The following CD8B variants were observed in gnomAD, a reference collection of about 807,000 sequenced individuals.
CD8B encodes CD8 subunit beta, also known as T-cell surface glycoprotein CD8 beta chain.
In CD8B, 6 loss-of-function variants were observed where a neutral mutation model predicts 24.2. That is an observed-to-expected ratio of 0.25 (90% CI 0.14 to 0.49). The LOEUF is 0.49. Ranked by LOEUF, CD8B falls within the 20% of genes least tolerant of loss-of-function variation. The probability of loss-of-function intolerance (pLI) is 0.98; values close to 1 mark genes in which losing one functional copy is unlikely to be tolerated. For synonymous variants in CD8B, 84 were observed against 108.3 expected (o/e 0.78, Z 1.39); for missense variants, 196 against 271.3 (o/e 0.72, Z 1.95).
intron 3 of CD8B, 130 bp from the exon 4 acceptor site, chr2:86,846,903 G>A (rs958707033): frequency 1.5e-5 from 6 of 393,270 alleles, no homozygotes; most frequent in Admixed American, 4.3e-5. Context: ...TTTGTATTTC[G>A]ATGTAATGTA....
chr2:86,816,399 G>A (rs1001858753), intron 5 of CD8B, among the ~76,000 whole-genome samples: 2 of 152,212 alleles, frequency 1.3e-5, no homozygotes, highest in African/African-American at 4.8e-5. Context: ...CATTCAAAAT[G>A]CCAACCAGAT....
chr2:86,834,721 G>A (rs1675100957), downstream of CD8B, among the ~76,000 whole-genome samples: 3 of 152,106 alleles, frequency 2.0e-5, no homozygotes, highest in Non-Finnish European at 4.4e-5. Context: ...AGGATCATGA[G>A]GTCAGGAGTT....
At chr2:86,856,130 C>T (rs1279884524) in intron 2 of CD8B, among the ~76,000 whole-genome samples, 1 of 152,206 alleles carries the variant, frequency 6.6e-6, no homozygotes, top group Non-Finnish European at 1.5e-5. Context: ...TGGTTGCAAG[C>T]CCTGGGGAGA....
rs1674204018 is a variant in CD8B, at chr2:86,815,646, G to GT, written c.692_693insA (p.Ser232LeufsTer6). The GT allele has an allele frequency of 6.2e-7, 1 of 1,613,286 alleles. No individual in the cohort carries two copies. On this transcript the variant is annotated frameshift_variant, in exon 6 of 6. Transcript: ENST00000331469. LOFTEE classifies it low-confidence loss of function (END_TRUNC). ...TCCATGGGTTAAGCAGCTTCTGTGA[G>GT]GTTGTAGTATTGCTGTAGTATCCAT...
intron 1 of CD8B, 61 bp from the exon 2 acceptor site, chr2:86,858,477 C>T (rs1357429310): frequency 9.9e-6 from 15 of 1,513,676 alleles, no homozygotes; most frequent in Non-Finnish European, 1.1e-5. Context: ...TGGGACCTTG[C>T]AGTCACACTG....
chr2:86,846,239 A>T (rs1201955557), intron 4 of CD8B, among the ~76,000 whole-genome samples: 1 of 152,146 alleles, frequency 6.6e-6, no homozygotes, highest in African/African-American at 2.4e-5. Flanking sequence ...GAGGATTTCT[A>T]GCTTCTAGGA....
chr2:86,847,180 G>A (rs577305290), intron 3 of CD8B, among the ~76,000 whole-genome samples: 7 of 151,594 alleles, frequency 4.6e-5, no homozygotes, highest in African/African-American at 1.5e-4. Flanking sequence ...CAAGCAATCC[G>A]CCCACCTTGG....
chr2:86,856,370 G>GCCAAACC lies in CD8B; in HGVS notation c.403+1680_403+1686dup, dbSNP rs1305338459. ...ACAGAGACAAAAACAATAAGCTAAA[G>GCCAAACC]CCAAACCCCAAACCCCAAACCCCAA... On this transcript the variant is annotated intron_variant, in intron 2 of 5. Coordinates refer to ENST00000390655, the MANE Select transcript of CD8B (RefSeq NM_004931.5). Among the ~76,000 whole-genome samples, 625 of 152,152 alleles carry GCCAAACC rather than the reference G, an allele frequency of 4.1e-3. 2 individuals are homozygous for GCCAAACC. The highest frequency in any genetic ancestry group is 0.014 in the African/African-American group (565 of 41,500).
intron 5 of CD8B, among the ~76,000 whole-genome samples, chr2:86,825,761 C>G (rs1674655868): frequency 6.6e-6 from 1 of 152,184 alleles, no homozygotes; most frequent in South Asian, 2.1e-4. Flanking sequence ...CAAGTCTGAA[C>G]AGCAGGCTCT....
chr2:86,824,633 G>T (rs868115390), intron 5 of CD8B, among the ~76,000 whole-genome samples: 5 of 152,188 alleles, frequency 3.3e-5, no homozygotes, highest in African/African-American at 1.2e-4. Context: ...AGGGAAGAGA[G>T]AGGGAGGCCT....
intron 3 of CD8B, among the ~76,000 whole-genome samples, chr2:86,851,286 C>A (rs972283923): frequency 6.6e-6 from 1 of 152,070 alleles, no homozygotes; most frequent in Non-Finnish European, 1.5e-5. Context: ...TTGTTTCTTT[C>A]TATCACTGGG....
chr2:86,831,515 T>C (rs983268430), intron 5 of CD8B, among the ~76,000 whole-genome samples: 2 of 152,252 alleles, frequency 1.3e-5, no homozygotes, highest in Non-Finnish European at 2.9e-5. Context: ...GATAATCCCA[T>C]GAGGAGAGAG....
downstream of CD8B, among the ~76,000 whole-genome samples, chr2:86,834,806 C>T (rs541630101): frequency 4.5e-4 from 68 of 151,736 alleles, no homozygotes; most frequent in African/African-American, 1.2e-3. Flanking sequence ...CATGATGGCG[C>T]GCACCTGGAA....
intron 2 of CD8B, among the ~76,000 whole-genome samples, chr2:86,854,754 G>A (rs1573525087): frequency 2.0e-5 from 3 of 152,066 alleles, no homozygotes; most frequent in East Asian, 3.9e-4. Context: ...CAAAATGGTA[G>A]GAGAGGGAGT....
Position 86,838,634 on chromosome 2 carries a change from G to A in CD8B, c.*3673C>T, listed in dbSNP as rs1040133720. ...CCACCTCATCCTCCCTAATAGCTGG[G>A]ACTACAGGCAAGCACCACCATGCCC... On this transcript the variant is annotated 3_prime_UTR_variant, in exon 6 of 6. Transcript: ENST00000390655. Among the ~76,000 whole-genome samples, 14 of 152,040 alleles carry A rather than the reference G, an allele frequency of 9.2e-5. No individual in the cohort carries two copies. Among genetic ancestry groups the A allele is most frequent in the African/African-American group, 3.4e-4 (14 of 41,374 alleles).
At chr2:86,825,550 C>T (rs894620549) in intron 5 of CD8B, among the ~76,000 whole-genome samples, 7 of 152,318 alleles carry the variant, frequency 4.6e-5, no homozygotes, top group Non-Finnish European at 8.8e-5. Flanking sequence ...AATCAGACAA[C>T]GGCTGCCCTG....
At chr2:86,847,331 T>G (rs1220867300) in intron 3 of CD8B, among the ~76,000 whole-genome samples, 1 of 152,194 alleles carries the variant, frequency 6.6e-6, no homozygotes, top group African/African-American at 2.4e-5. Flanking sequence ...AGTAGACAAT[T>G]TTCATGCCTG....
intron 5 of CD8B, among the ~76,000 whole-genome samples, chr2:86,823,775 A>G (rs1674571184): frequency 6.6e-6 from 1 of 152,194 alleles, no homozygotes; most frequent in Non-Finnish European, 1.5e-5. Flanking sequence ...TGTAGTGGAC[A>G]GAGATAACAA....
intron 5 of CD8B, among the ~76,000 whole-genome samples, chr2:86,827,096 C>T (rs569974672): frequency 6.6e-6 from 1 of 152,092 alleles, no homozygotes; most frequent in Non-Finnish European, 1.5e-5. Context: ...GTGAGGATTA[C>T]AGGCATGAGC....
Sources: allele counts gnomAD v4.1 joint callset (sites outside exome capture counted in the v4.1 genomes callset), GRCh38; gene constraint gnomAD v4.1.1; transcripts MANE v1.5; gene names NCBI Gene and HGNC (gene_info 2026-07-23, HGNC 2026-07-21).